The following RFX5 variants were observed in gnomAD, a reference collection of about 807,000 sequenced individuals.
RFX5 encodes regulatory factor X5.
A neutral mutation model predicts 41.2 loss-of-function variants in RFX5; 30 were observed. That is an observed-to-expected ratio of 0.73 (90% CI 0.54 to 0.99). RFX5 has a LOEUF of 0.99. Among genes scored for constraint, RFX5 ranks in the 50% least tolerant of loss-of-function variants. RFX5 has a pLI of 0.00. For synonymous variants in RFX5, 231 were observed against 291.8 expected (o/e 0.79, Z 2.12); for missense variants, 715 against 773.6 (o/e 0.92, Z 0.90).
intron 4 of RFX5, among the ~76,000 whole-genome samples, 194 bp downstream of exon 4, chr1:151,345,734 T>A (rs1269540270): frequency 4.6e-5 from 7 of 152,126 alleles, no homozygotes. Flanking sequence ...GCTGGGCTTC[T>A]ATGCAAGTGC....
chr1:151,342,794 T>G lies in RFX5; in HGVS notation c.1243A>C (p.Arg415=). ...TGGTCACCACCTATGCCTACCTCTC[T>G]GTTCTCTGTGCCCCGGGGCTGAGTG... ...GLTQPRGTEN[R]EVGIGGDQGP... is the part of the protein sequence containing the mutation. The change falls in exon 11 of 11, where the codon AGA becomes CGA. Residue 415 remains arginine (R), a synonymous_variant. Coordinates refer to ENST00000452671, the MANE Select transcript of RFX5 (RefSeq NM_001025603.2). 6.2e-7 allele frequency: 1 copy of G among 1,614,216 alleles called. No individual in the cohort carries two copies. The highest frequency in any genetic ancestry group is 8.5e-7 in the Non-Finnish European group (1 of 1,180,018).
chr1:151,344,378 C>T, intron 7 of RFX5, 39 bp downstream of exon 7: 1 of 1,614,200 alleles, frequency 6.2e-7, no homozygotes, highest in East Asian at 2.2e-5. Flanking sequence ...AAGTCTTCCT[C>T]CCAGGTCCTC....
At chr1:151,344,574 G>A (rs757004254) in intron 6 of RFX5, 38 bp from the exon 7 acceptor site, 2 of 1,614,002 alleles carry the variant, frequency 1.2e-6, no homozygotes, top group Non-Finnish European at 1.7e-6. Context: ...GATACTCAGA[G>A]AAGGAGGCCA....
chr1:151,346,732 T>C, intron 1 of RFX5, 126 bp from the exon 2 acceptor site: 1 of 235,420 alleles, frequency 4.2e-6, no homozygotes, highest in Non-Finnish European at 8.6e-6. Flanking sequence ...CAAAGTTCTC[T>C]AATTCTCAAA....
rs1650508399 is a variant in RFX5, at chr1:151,342,244, T to C, written c.1793A>G (p.His598Arg). 1.2e-6 allele frequency: 2 copies of C among 1,614,236 alleles called. No homozygotes were observed. The highest frequency in any genetic ancestry group is 2.2e-5 in the South Asian group (2 of 91,090). ...CTGGGATAAGGAACTTTGAAGCACA[T>C]GCTCCTTTAAGTCTTTATTACCCTG... ...APQGNKDLKE[H>R]VLQSSLSQEH... Residue 598 changes from histidine (H) to arginine (R), a missense_variant, in exon 11 of 11, where the codon CAT becomes CGT. Coordinates refer to ENST00000452671, the MANE Select transcript of RFX5 (RefSeq NM_001025603.2).
At chr1:151,344,056 A>G in intron 8 of RFX5, 141 bp downstream of exon 8, 1 of 1,095,844 alleles carries the variant, frequency 9.1e-7, no homozygotes, top group Admixed American at 2.0e-5. Flanking sequence ...TGCCTCAGCT[A>G]CAGGGTTGGC....
At position 151,344,933 on chromosome 1, in the gene RFX5, C is replaced by T. The variant is rs2233849; in HGVS notation, c.234-86G>A. On this transcript the variant is annotated intron_variant, in intron 5 of 10. Coordinates refer to ENST00000452671, the MANE Select transcript of RFX5 (RefSeq NM_001025603.2). ...AACTACCACTTCAGTAGTGCTGGAC[C>T]AAATTTAGTTCACCCAGAATCTAAC... is the stretch of plus-strand genomic sequence containing the variant. The T allele has an allele frequency of 7.6e-4, 1,223 of 1,609,296 alleles. 18 individuals carry two copies. In the East Asian group the frequency reaches 0.023, roughly 31 times the overall value.
intron 8 of RFX5, among the ~76,000 whole-genome samples, 157 bp from the exon 9 acceptor site, chr1:151,344,039 C>T (rs1166107968): frequency 6.6e-6 from 1 of 152,216 alleles, no homozygotes; most frequent in Non-Finnish European, 1.5e-5. Context: ...AAGTTCTCTT[C>T]ATCCTCTGCC....
At chr1:151,346,088 A>T in intron 3 of RFX5, 117 bp downstream of exon 3, 3 of 1,564,270 alleles carry the variant, frequency 1.9e-6, no homozygotes. Flanking sequence ...ATGGCCAAAA[A>T]TCTCCCTCTG....
Position 151,341,313 on chromosome 1 carries a change from G to C in RFX5, c.*873C>G, listed in dbSNP as rs1181567138. ...GAAAGAGGCTACAGCTTGTATTGAGGGAAATGCAAGACTGAGGAGAAAAGA... is the reference window on the plus strand; with the variant it reads ...GAAAGAGGCTACAGCTTGTATTGAGCGAAATGCAAGACTGAGGAGAAAAGA... On this transcript the variant is annotated 3_prime_UTR_variant, in exon 11 of 11. Transcript: ENST00000452671. 1.3e-5 allele frequency: 2 copies of C among 152,270 alleles called. No homozygotes were observed. Among genetic ancestry groups the C allele is most frequent in the African/African-American group, 4.8e-5 (2 of 41,388 alleles). The allele number at this position is 152,270 out of a possible 1,614,324, so 9.4% of individuals were successfully genotyped here. A position where few individuals can be genotyped will look rare whatever the true frequency, so the allele number is the denominator to read the frequency against.
In RFX5 at chr1:151,346,213, AC is replaced by A; in HGVS notation, c.107del (p.Gly36ValfsTer11). ...ATGTGATGAGTACTTACGAAATGGT[AC>A]CTCGGAGCCTCTGAAGAAGGGTGGT... ...EPTTLLQRLR[G>X]TISKAVQNKV... On this transcript the variant is annotated frameshift_variant, in exon 3 of 11. Coordinates refer to ENST00000452671, the MANE Select transcript of RFX5 (RefSeq NM_001025603.2). LOFTEE classifies it high-confidence loss of function. 1 of 1,614,096 alleles carries A rather than the reference AC, an allele frequency of 6.2e-7. No individual in the cohort carries two copies. The highest frequency in any genetic ancestry group is 8.5e-7 in the Non-Finnish European group (1 of 1,179,964).
rs1187904410 is a variant in RFX5, at chr1:151,340,752, T to G, written c.*1434A>C. ...CTTTATAGATATCAAATATTACATA[T>G]TATAATTTCTTAAAATCTGCTGTGG... On this transcript the variant is annotated 3_prime_UTR_variant, in exon 11 of 11. Transcript: ENST00000452671. The G allele has an allele frequency of 6.6e-6, 1 of 152,610 alleles. No homozygotes were observed. Among genetic ancestry groups the G allele is most frequent in the African/African-American group, 2.4e-5 (1 of 41,434 alleles). The allele number at this position is 152,610 out of a possible 1,614,324, so 9.5% of individuals were successfully genotyped here.
chr1:151,344,888 A>C, intron 5 of RFX5, 41 bp from the exon 6 acceptor site: 1 of 1,614,100 alleles, frequency 6.2e-7, no homozygotes, highest in Non-Finnish European at 8.5e-7. Flanking sequence ...AGACCCTAAC[A>C]GTTGTCCTGG....
Position 151,345,388 on chromosome 1 carries a change from T to A in RFX5, c.151-200A>T, listed in dbSNP as rs1025349503. 3 of 504,138 alleles carry A rather than the reference T, an allele frequency of 6.0e-6. No homozygotes were observed. In the Admixed American group the frequency reaches 8.6e-5, roughly 14 times the overall value. The allele number at this position is 504,138 out of a possible 1,614,324, so 31.2% of individuals were successfully genotyped here. ...ACTTTGGAAGGCCAAGGCAGGCTGA[T>A]CACAAGGTCAGGAGATCGAGACCAT... On this transcript the variant is annotated intron_variant, in intron 4 of 10. Coordinates refer to ENST00000452671, the MANE Select transcript of RFX5 (RefSeq NM_001025603.2).
At chr1:151,345,298 T>C in intron 4 of RFX5, 110 bp from the exon 5 acceptor site, 1 of 844,112 alleles carries the variant, frequency 1.2e-6, no homozygotes, top group Admixed American at 2.0e-5. Context: ...GGTGTCAGAC[T>C]GAAAAAGGAC....
intron 5 of RFX5, 26 bp from the exon 6 acceptor site, chr1:151,344,873 T>C (rs1404823522): frequency 4.3e-6 from 7 of 1,614,058 alleles, no homozygotes; most frequent in Non-Finnish European, 5.9e-6. Flanking sequence ...GAACAAGCAT[T>C]ACTAAGACCC....
In RFX5 at chr1:151,345,938, T is replaced by C. The variant is rs1651008200; in HGVS notation, c.140A>G (p.Glu47Gly). Residue 47 changes from glutamate to glycine, a missense_variant, in exon 4 of 11, where the codon GAG becomes GGG. Glu to Gly is a moderately conservative substitution (Grantham distance 98). Coordinates refer to ENST00000452671, the MANE Select transcript of RFX5 (RefSeq NM_001025603.2). ...CCCCAACACACTTACCAGGATCCCC[T>C]CTACTTTGTTCTGCACGGCCTTGCT... ...TISKAVQNKV[E>G]GILQDVQKFS... is the part of the protein sequence containing the mutation. 1 of 1,614,152 alleles carries C rather than the reference T, an allele frequency of 6.2e-7. No homozygotes were observed. Among genetic ancestry groups the C allele is most frequent in the Non-Finnish European group, 8.5e-7 (1 of 1,180,020 alleles).
Position 151,340,801 on chromosome 1 carries a change from T to C in RFX5, c.*1385A>G, listed in dbSNP as rs1650387031. 1.3e-5 allele frequency: 2 copies of C among 152,566 alleles called. No individual in the cohort carries two copies. Among genetic ancestry groups the C allele is most frequent in the Admixed American group, 6.6e-5 (1 of 15,254 alleles). The allele number at this position is 152,566 out of a possible 1,614,324, so 9.5% of individuals were successfully genotyped here. A position where few individuals can be genotyped will look rare whatever the true frequency, so the allele number is the denominator to read the frequency against. On this transcript the variant is annotated 3_prime_UTR_variant, in exon 11 of 11. Transcript: ENST00000452671. ...GGTGGAAATAAATGAACACATGAAG[T>C]CTCCCTGAAAGAAAATCAGTGTTTC...
intron 6 of RFX5, 53 bp downstream of exon 6, chr1:151,344,675 G>A: frequency 1.9e-6 from 3 of 1,554,630 alleles, no homozygotes; most frequent in Non-Finnish European, 2.6e-6. Flanking sequence ...TCATGGGTGA[G>A]GGGGTCCTAT....
Sources: allele counts gnomAD v4.1 joint callset (sites outside exome capture counted in the v4.1 genomes callset), GRCh38; gene constraint gnomAD v4.1.1; transcripts MANE v1.5; gene names NCBI Gene and HGNC (gene_info 2026-07-23, HGNC 2026-07-21).